SLC26A5: variants seen among roughly 807,000 people sequenced by gnomAD.
The protein encoded by SLC26A5 is prestin.
Under a neutral mutation model 81.0 loss-of-function variants are expected in SLC26A5, and 51 were observed. That is an observed-to-expected ratio of 0.63 (90% CI 0.50 to 0.80). SLC26A5 has a LOEUF of 0.80. Ranked by LOEUF, SLC26A5 falls within the 30% of genes least tolerant of loss-of-function variation. SLC26A5 has a pLI of 0.00. For synonymous variants in SLC26A5, 325 were observed against 332.8 expected, an observed-to-expected ratio of 0.98 and a Z score of 0.25; for missense variants, 771 against 905.8, an observed-to-expected ratio of 0.85 and a Z score of 1.91.
At chr7:103,389,192 C>T in intron 13 of SLC26A5, 78 bp from the exon 14 acceptor site, 3 of 1,222,088 alleles carry the variant, frequency 2.5e-6, no homozygotes, top group East Asian at 2.3e-5. Context: ...TGTGCACACA[C>T]ACACATGCTA....
In SLC26A5 at chr7:103,379,570, T is replaced by C. The variant is rs374612194; in HGVS notation, c.1585-235A>G. 2.6e-5 allele frequency among the ~76,000 whole-genome samples: 4 copies of C among 152,274 alleles called. No homozygotes were observed. In the East Asian group the frequency reaches 7.7e-4, roughly 29 times the overall value. ...ATGGAAGAGAACTGACAGAGACCTTTTTAACATGCACATCTTTCCATTTGT... is the reference window on the plus strand; with the variant it reads ...ATGGAAGAGAACTGACAGAGACCTTCTTAACATGCACATCTTTCCATTTGT... On this transcript the variant is annotated intron_variant, in intron 15 of 19. Transcript: ENST00000306312.
intron 19 of SLC26A5, among the ~76,000 whole-genome samples, chr7:103,356,891 A>C (rs1171008567): frequency 1.3e-5 from 2 of 152,148 alleles, no homozygotes; most frequent in Non-Finnish European, 2.9e-5. Context: ...CCTTTTAAAA[A>C]TTTTGTTTTT....
At chr7:103,444,587 A>G (rs1827136722) in intron 1 of SLC26A5, among the ~76,000 whole-genome samples, 1 of 152,252 alleles carries the variant, frequency 6.6e-6, no homozygotes, top group Non-Finnish European at 1.5e-5. Context: ...TGCGAAAAGC[A>G]CTCAAATACT....
chr7:103,411,499 G>A lies in SLC26A5; in HGVS notation c.491C>T (p.Ala164Val). 2.5e-6 allele frequency: 4 copies of A among 1,614,198 alleles called. No individual in the cohort carries two copies. Among genetic ancestry groups the A allele is most frequent in the Non-Finnish European group, 3.4e-6 (4 of 1,180,042 alleles). Reference protein sequence around the residue: ...DDIVIPGGVNATNGTEARDAL... With the variant: ...DDIVIPGGVNVTNGTEARDAL... The stretch of plus-strand genomic sequence containing the variant: ...ATCTCTGGCCTCTGTGCCATTGGTT[G>A]CATTTACTCCTCCTGGAATGACTAT... Residue 164 changes from alanine (A) to valine (V), a missense_variant, in exon 6 of 20, where the codon GCA (alanine) becomes GTA (valine). Transcript: ENST00000306312.
chr7:103,390,388 A>T, intron 12 of SLC26A5, 41 bp downstream of exon 12: 2 of 1,528,956 alleles, frequency 1.3e-6, no homozygotes, highest in South Asian at 1.1e-5. Context: ...CAAAATCTCT[A>T]CACATGAAAA....
At chr7:103,403,237 A>G (rs1449952250) in intron 8 of SLC26A5, among the ~76,000 whole-genome samples, 1 of 152,132 alleles carries the variant, frequency 6.6e-6, no homozygotes, top group Non-Finnish European at 1.5e-5. Context: ...GGTCTGACAG[A>G]CTGTTTGTTA....
Position 103,388,995 on chromosome 7 carries a change from T to C in SLC26A5, c.1514+13A>G, listed in dbSNP as rs1343827465. ...GCCGGGACATTCACACCCATTCCAA[T>C]CTGGGCACTCACCTCTGTGTTCTGT... is the stretch of plus-strand genomic sequence containing the variant. On this transcript the variant is annotated intron_variant, in intron 14 of 19. Coordinates refer to ENST00000306312, the MANE Select transcript of SLC26A5 (RefSeq NM_198999.3). 1 of 1,587,416 alleles carries C rather than the reference T, an allele frequency of 6.3e-7. No individual in the cohort carries two copies. Among genetic ancestry groups the C allele is most frequent in the Non-Finnish European group, 8.6e-7 (1 of 1,156,396 alleles).
rs752847513 is a variant in SLC26A5, at chr7:103,354,365, ATTTTTT to A, written c.2042-1445_2042-1440del. 8.2e-5 allele frequency among the ~76,000 whole-genome samples: 11 copies of A among 134,548 alleles called. No homozygotes were observed. The South Asian group carries it at 2.1e-3, about 26-fold the overall frequency. The allele number at this position is 134,548 out of a possible 152,430, so 88.3% of individuals were successfully genotyped here. On this transcript the variant is annotated intron_variant, in intron 19 of 19. Transcript: ENST00000339444. ...ATAGTTTTGCATAATTTCACACACG[ATTTTTT>A]TTTTTTTTTTTTTTGAAACGGAGTG...
intron 9 of SLC26A5, among the ~76,000 whole-genome samples, chr7:103,393,999 G>A (rs555490093): frequency 1.1e-4 from 17 of 152,288 alleles, no homozygotes; most frequent in African/African-American, 4.1e-4. Context: ...AGGCACCACT[G>A]TAATTCCCAT....
Position 103,389,427 on chromosome 7 carries a change from G to A in SLC26A5, c.1312-3C>T, listed in dbSNP as rs1260294778. On this transcript the variant is annotated splice_polypyrimidine_tract_variant and splice_region_variant and intron_variant, in intron 12 of 19. Coordinates refer to ENST00000306312, the MANE Select transcript of SLC26A5 (RefSeq NM_198999.3). Reference sequence around the variant, plus strand: ...ATCACAATGGCCGACAGCACAGCCTGAAACAGAGCACATCCCCCATGCCTC... The same window carrying A: ...ATCACAATGGCCGACAGCACAGCCTAAAACAGAGCACATCCCCCATGCCTC... 1.9e-6 allele frequency: 3 copies of A among 1,609,528 alleles called. No homozygotes were observed. Among genetic ancestry groups the A allele is most frequent in the Non-Finnish European group, 1.7e-6 (2 of 1,175,956 alleles).
intron 1 of SLC26A5, chr7:103,445,233 G>T (rs936633962): frequency 6.6e-6 from 1 of 152,144 alleles, no homozygotes; most frequent in Non-Finnish European, 1.5e-5. Flanking sequence ...CTAGCTGATC[G>T]GATCCTTGCA....
Position 103,407,972 on chromosome 7 carries a change from T to C in SLC26A5, c.767A>G (p.Asn256Ser), listed in dbSNP as rs1005562357. 1 of 1,613,834 alleles carries C rather than the reference T, an allele frequency of 6.2e-7. No individual in the cohort carries two copies. Among genetic ancestry groups the C allele is most frequent in the Non-Finnish European group, 8.5e-7 (1 of 1,179,948 alleles). The change falls in exon 8 of 20, where the codon AAC (asparagine) becomes AGC (serine). Residue 256 changes from asparagine (N) to serine (S), a missense_variant. Asn to Ser is a conservative substitution (Grantham distance 46). Coordinates refer to ENST00000306312, the MANE Select transcript of SLC26A5 (RefSeq NM_198999.3). ...STVAVLQNVKNLNVCSLGVGL... is the reference protein window; with the variant it reads ...STVAVLQNVKSLNVCSLGVGL... ...GACGCCTAGGGAACACACGTTGAGG[T>C]TTTTAACATTCTGCAACACAGCAAC...
Position 103,446,155 on chromosome 7 carries a change from C to T in SLC26A5, c.-240G>A, listed in dbSNP as rs940237301. On this transcript the variant is annotated 5_prime_UTR_variant, in exon 1 of 20. Coordinates refer to ENST00000306312, the MANE Select transcript of SLC26A5 (RefSeq NM_198999.3). ...CCGCGCTCCACAGCCGCTGCCTCTT[C>T]GACGCGCGCGCTGCCTCCAGGTGCG... 6.6e-6 allele frequency: 1 copy of T among 151,352 alleles called. No individual in the cohort carries two copies. The highest frequency in any genetic ancestry group is 1.5e-5 in the Non-Finnish European group (1 of 67,782). 9.4% of individuals were successfully genotyped at this position (151,352 alleles called of 1,614,324 possible).
intron 8 of SLC26A5, among the ~76,000 whole-genome samples, chr7:103,398,399 G>A (rs983559318): frequency 5.3e-5 from 8 of 152,122 alleles, no homozygotes; most frequent in African/African-American, 1.9e-4. Context: ...TTCGAGGGTG[G>A]TACAATGACA....
rs1820800162 is a variant in SLC26A5, at chr7:103,367,878, TTTTC to T, written c.2041+8926_2041+8929del. On this transcript the variant is annotated intron_variant, in intron 19 of 19. Coordinates refer to the SLC26A5 transcript ENST00000339444. This position sits in a 1 kb window ranked among gnomAD's most constrained non-coding sequence, Gnocchi z 6.1. ...AGGCTGCTTTAATTAAGCCCGTTTA[TTTTC>T]TTTTTGTTTGAAAGGTGCTGAGATT... is the stretch of plus-strand genomic sequence containing the variant. 1 of 1,611,746 alleles carries T rather than the reference TTTTC, an allele frequency of 6.2e-7. No individual in the cohort carries two copies. The highest frequency in any genetic ancestry group is 1.7e-5 in the Admixed American group (1 of 59,416).
At chr7:103,424,758 G>T (rs1160341009) in intron 2 of SLC26A5, among the ~76,000 whole-genome samples, 7 of 152,136 alleles carry the variant, frequency 4.6e-5, no homozygotes, top group Non-Finnish European at 7.3e-5. Flanking sequence ...GAATTATGAT[G>T]ATCAAGTCTA....
Position 103,391,744 on chromosome 7 carries a change from T to C in SLC26A5, c.1120-9A>G, listed in dbSNP as rs376409779. 84 of 1,609,786 alleles carry C rather than the reference T, an allele frequency of 5.2e-5. No individual in the cohort carries two copies. The highest frequency in any genetic ancestry group is 6.6e-5 in the Non-Finnish European group (78 of 1,176,836). Reference sequence around the variant, plus strand: ...CCCAGGGCAATGAGCTCCTTTCCCATGTAGAAACAAAACACAAAAGAGATA... The same window carrying C: ...CCCAGGGCAATGAGCTCCTTTCCCACGTAGAAACAAAACACAAAAGAGATA... On this transcript the variant is annotated splice_polypyrimidine_tract_variant and intron_variant, in intron 10 of 19. Coordinates refer to ENST00000306312, the MANE Select transcript of SLC26A5 (RefSeq NM_198999.3).
chr7:103,434,784 T>C (rs1371824460), intron 2 of SLC26A5, among the ~76,000 whole-genome samples: 2 of 152,166 alleles, frequency 1.3e-5, no homozygotes, highest in Non-Finnish European at 2.9e-5. Flanking sequence ...TCTGAGTAGC[T>C]GGGAGTACAG....
intron 19 of SLC26A5, chr7:103,361,846 G>A (rs1260985374): frequency 1.1e-5 from 11 of 1,032,924 alleles, no homozygotes; most frequent in African/African-American, 1.7e-5. Flanking sequence ...CCCAGTTTCT[G>A]TAGTTCTAGT....
Sources: gnomAD v4.1 joint callset for allele counts (sites outside exome capture counted in the v4.1 genomes callset) on GRCh38, gnomAD v4.1.1 for gene constraint, Gnocchi (gnomAD v3.1) non-coding constraint, MANE v1.5 for transcripts, NCBI Gene and HGNC (gene_info 2026-07-23, HGNC 2026-07-21) for gene names.